Variants in KIF21A observed in about 807,000 individuals in gnomAD.
KIF21A encodes kinesin family member 21A.
Under a neutral mutation model 202.9 loss-of-function variants are expected in KIF21A, and 114 were observed. The observed-to-expected ratio is 0.56, with a 90% CI of 0.48 to 0.66. The LOEUF is 0.66. Among genes scored for constraint, KIF21A ranks in the 30% least tolerant of loss-of-function variants. KIF21A has a pLI of 0.00. For synonymous variants in KIF21A, 667 were observed against 670.8 expected (o/e 0.99, Z 0.09); for missense variants, 1,677 against 1,994.9 (o/e 0.84, Z 3.04).
intron 10 of KIF21A, among the ~76,000 whole-genome samples, chr12:39,355,685 C>T (rs1419857818): frequency 2.9e-5 from 3 of 103,638 alleles, no homozygotes; most frequent in African/African-American, 1.5e-4. Flanking sequence ...AGGTCTCTAC[C>T]AAAAACATGA....
chr12:39,339,299 T>C (rs536029535), intron 16 of KIF21A, among the ~76,000 whole-genome samples: 8 of 152,242 alleles, frequency 5.3e-5, no homozygotes, highest in Admixed American at 3.3e-4. Flanking sequence ...CAATACCTTT[T>C]CTATGTTTAG....
rs141214915 is a variant in KIF21A at position 39,321,426 on chromosome 12, A to G, written c.3671+1242T>C. ...TCATCTGACAGACTAAATACCTAAC[A>G]CATTTAGTTCCTAAAATCTGACCTC... On this transcript the variant is annotated intron_variant, in intron 27 of 37. Coordinates refer to ENST00000361418, the MANE Select transcript of KIF21A (RefSeq NM_001173464.2). The G allele has an allele frequency of 8.3e-4, 126 of 152,328 alleles. 1 individual carries two copies. The highest frequency in any genetic ancestry group is 2.9e-3 in the African/African-American group (122 of 41,570). The allele number at this position is 152,328 out of a possible 1,614,324, so 9.4% of individuals were successfully genotyped here. A position where few individuals can be genotyped will look rare whatever the true frequency, so the allele number is the denominator to read the frequency against.
chr12:39,434,379 T>A (rs981881817), intron 1 of KIF21A, among the ~76,000 whole-genome samples: 6 of 152,228 alleles, frequency 3.9e-5, no homozygotes, highest in African/African-American at 1.4e-4. Context: ...CATTGTTGCA[T>A]AGGGGATTAG....
At chr12:39,335,846 A>G (rs1946916145) in intron 17 of KIF21A, among the ~76,000 whole-genome samples, 1 of 152,228 alleles carries the variant, frequency 6.6e-6, no homozygotes, top group Non-Finnish European at 1.5e-5. Flanking sequence ...TGTAGGAGAA[A>G]AAAAGAAATA....
chr12:39,424,369 C>T (rs938051925), intron 1 of KIF21A, among the ~76,000 whole-genome samples: 1 of 152,138 alleles, frequency 6.6e-6, no homozygotes, highest in Admixed American at 6.6e-5. Flanking sequence ...AGAGCTCTTT[C>T]CCCATAAGTC....
chr12:39,401,050 C>A (rs562642828), intron 1 of KIF21A, among the ~76,000 whole-genome samples: 1 of 152,148 alleles, frequency 6.6e-6, no homozygotes, highest in Non-Finnish European at 1.5e-5. Context: ...AAAAACCCCA[C>A]GCTTGACACT....
chr12:39,348,923 GT>G (rs990710481), intron 11 of KIF21A, among the ~76,000 whole-genome samples: 98 of 152,108 alleles, frequency 6.4e-4, no homozygotes, highest in Middle Eastern at 3.4e-3. Context: ...AAGGAAGCTT[GT>G]TGGTTATCAG....
chr12:39,370,227 C>T lies in KIF21A; in HGVS notation c.79G>A (p.Gly27Arg). The T allele has an allele frequency of 6.2e-7, 1 of 1,613,306 alleles. No individual in the cohort carries two copies. The highest frequency in any genetic ancestry group is 8.5e-7 in the Non-Finnish European group (1 of 1,179,494). ...RPQLAKEKIE[G>R]CHICTSVTPG... Reference sequence around the variant, plus strand: ...GTGACAGATGTACAAATATGGCATCCTTCAATCTTCTCTTTGGCAAGCTGT... The same window carrying T: ...GTGACAGATGTACAAATATGGCATCTTTCAATCTTCTCTTTGGCAAGCTGT... The change falls in exon 2 of 38, where the codon GGA becomes AGA. Residue 27 changes from glycine (G) to arginine (R), a missense_variant. This residue lies in a region of KIF21A where 966 missense variants were observed against 1,180.9 expected (regional missense o/e 0.82). Coordinates refer to ENST00000361418, the MANE Select transcript of KIF21A (RefSeq NM_001173464.2).
chr12:39,373,711 A>G (rs1418234333), intron 1 of KIF21A, among the ~76,000 whole-genome samples: 4 of 152,204 alleles, frequency 2.6e-5, no homozygotes, highest in Non-Finnish European at 5.9e-5. Context: ...ATAACAAAGA[A>G]AAACTAGGTG....
chr12:39,344,142 G>A (rs1293341139), intron 12 of KIF21A, among the ~76,000 whole-genome samples: 1 of 152,122 alleles, frequency 6.6e-6, no homozygotes, highest in African/African-American at 2.4e-5. Context: ...CACCTAGAAA[G>A]AACTCTTATG....
intron 1 of KIF21A, among the ~76,000 whole-genome samples, chr12:39,434,151 C>A (rs1433226686): frequency 6.6e-6 from 1 of 152,170 alleles, no homozygotes; most frequent in Non-Finnish European, 1.5e-5. Context: ...GGTCAAGAGG[C>A]CTGCAGGCCT....
At chr12:39,294,698 C>T (rs772166442) in intron 37 of KIF21A, among the ~76,000 whole-genome samples, 181 bp from the exon 38 acceptor site, 1 of 152,164 alleles carries the variant, frequency 6.6e-6, no homozygotes, top group Non-Finnish European at 1.5e-5. Flanking sequence ...CTTATATTAT[C>T]AAGGGCTTAC....
At chr12:39,421,748 T>C (rs972541880) in intron 1 of KIF21A, among the ~76,000 whole-genome samples, 17 of 139,136 alleles carry the variant, frequency 1.2e-4, no homozygotes, top group South Asian at 4.4e-4. Flanking sequence ...TATATACACA[T>C]ACACACATAT....
intron 1 of KIF21A, among the ~76,000 whole-genome samples, chr12:39,434,014 T>C (rs1938328863): frequency 6.6e-6 from 1 of 152,194 alleles, no homozygotes; most frequent in Non-Finnish European, 1.5e-5. Context: ...GAGTTTGGAA[T>C]ATAATCAACA....
At chr12:39,430,188 GA>G (rs772853903) in intron 1 of KIF21A, among the ~76,000 whole-genome samples, 217 of 128,634 alleles carry the variant, frequency 1.7e-3, no homozygotes, top group African/African-American at 4.8e-3. Context: ...TAAGACCCTG[GA>G]AAAAAAAAAA....
chr12:39,358,214 G>A lies in KIF21A; in HGVS notation c.1179C>T (p.Ile393=). 6 of 1,614,062 alleles carry A rather than the reference G, an allele frequency of 3.7e-6. No individual in the cohort carries two copies. The highest frequency in any genetic ancestry group is 5.1e-6 in the Non-Finnish European group (6 of 1,179,962). Residue 393 remains isoleucine, a synonymous_variant, in exon 8 of 38, where the codon ATC becomes ATT. Coordinates refer to ENST00000361418, the MANE Select transcript of KIF21A (RefSeq NM_001173464.2). ...CCATGAGCTCCATCTGAAGTCGTGT[G>A]ATTTCACTACGAAGTGCATTGATTT... is the stretch of plus-strand genomic sequence containing the variant. ...SQQINALRSE[I]TRLQMELMEY... is the part of the protein sequence containing the mutation.
At chr12:39,402,778 A>C (rs914903114) in intron 1 of KIF21A, among the ~76,000 whole-genome samples, 1 of 152,166 alleles carries the variant, frequency 6.6e-6, no homozygotes, top group Non-Finnish European at 1.5e-5. Flanking sequence ...ATCAACTATC[A>C]TTAGTGTTAG....
intron 37 of KIF21A, 97 bp downstream of exon 37, chr12:39,301,383 G>A (rs1942945466): frequency 1.0e-6 from 1 of 972,196 alleles, no homozygotes; most frequent in Non-Finnish European, 1.7e-6. Flanking sequence ...TTATAAGAAG[G>A]ATTTTGTATA....
intron 1 of KIF21A, among the ~76,000 whole-genome samples, chr12:39,383,293 G>T (rs1950733456): frequency 3.3e-5 from 5 of 152,310 alleles, no homozygotes; most frequent in Admixed American, 3.3e-4. Context: ...TGAGTATTAG[G>T]AATTGAATAA....
Sources: allele counts gnomAD v4.1 joint callset (sites outside exome capture counted in the v4.1 genomes callset), GRCh38; gene constraint gnomAD v4.1.1; regional missense constraint gnomAD v4.1.1; transcripts MANE v1.5; gene names NCBI Gene and HGNC (gene_info 2026-07-23, HGNC 2026-07-21).